Variants in CHD1L observed in about 807,000 individuals in gnomAD.
CHD1L encodes the protein ATP-dependent chromatin remodeler CHD1L.
CHD1L carries 118 observed loss-of-function variants against 115.9 expected under a neutral mutation model. The observed-to-expected ratio is 1.02, with a 90% confidence interval of 0.88 to 1.19. The LOEUF is 1.19. Ranked by LOEUF, CHD1L falls within the 50% of genes most tolerant of loss-of-function variation. The probability of loss-of-function intolerance (pLI) is 0.00; values close to 1 mark genes in which losing one functional copy is unlikely to be tolerated. For synonymous variants in CHD1L, 411 were observed against 387.1 expected (o/e 1.06, Z -0.72); for missense variants, 1,179 against 1,065.3 (o/e 1.11, Z -1.49).
the CHD1L span, chr1:147,173,365 T>C: frequency 8.1e-3 from 1,231 of 152,390 alleles, 7 homozygotes; most frequent in Non-Finnish European, 0.012. Context: ...TCAGCCCGAC[T>C]GGGGTCGCAG....
At chr1:147,289,881 T>A (rs1436834129) in intron 19 of CHD1L, among the ~76,000 whole-genome samples, 1 of 152,198 alleles carries the variant, frequency 6.6e-6, no homozygotes, top group Non-Finnish European at 1.5e-5. Context: ...GGCCACATCA[T>A]AGAAGACGTC....
chr1:147,224,860 G>T, the CHD1L span: 1 of 1,600,962 alleles, frequency 6.2e-7, no homozygotes, highest in East Asian at 2.2e-5. Context: ...TGCAGGGAGG[G>T]TTTCAAGTAT....
rs1553942722 is a variant in CHD1L at position 147,259,842 on chromosome 1, C to T, written c.500C>T (p.Pro167Leu). The change falls in exon 6 of 23, where the codon CCT becomes CTT. Residue 167 changes from proline (P) to leucine (L), a missense_variant. Coordinates refer to ENST00000369258, the MANE Select transcript of CHD1L (RefSeq NM_004284.6). ...LKDASFLKSF[P>L]WSVLVVDEAH... ...GCTTGGGTTTTCTCTCACAGATTCC[C>T]TTGGAGTGTTCTTGTTGTGGATGAA... is the stretch of plus-strand genomic sequence containing the variant. 8 of 1,613,408 alleles carry T rather than the reference C, an allele frequency of 5.0e-6. No individual in the cohort carries two copies. In the East Asian group the frequency reaches 1.8e-4, roughly 36 times the overall value.
At chr1:147,249,713 T>C (rs1263532691) in intron 1 of CHD1L, among the ~76,000 whole-genome samples, 2 of 152,172 alleles carry the variant, frequency 1.3e-5, no homozygotes, top group East Asian at 3.9e-4. Flanking sequence ...AATGTTTTGT[T>C]ATGTTTGCGG....
chr1:147,242,697 C>T lies in CHD1L; in HGVS notation c.-7C>T. On this transcript the variant is annotated 5_prime_UTR_variant, in exon 1 of 23. Coordinates refer to ENST00000369258, the MANE Select transcript of CHD1L (RefSeq NM_004284.6). ...TGGCCGCGCGGGGCGGGGCCTCTAC[C>T]GGCCCGATGGAGCGCGCGGGCGCTA... 4 of 1,262,332 alleles carry T rather than the reference C, an allele frequency of 3.2e-6. No homozygotes were observed. Among genetic ancestry groups the T allele is most frequent in the South Asian group, 3.8e-5 (1 of 26,480 alleles). 78.2% of individuals were successfully genotyped at this position (1,262,332 alleles called of 1,614,324 possible). A position where few individuals can be genotyped will look rare whatever the true frequency, so the allele number is the denominator to read the frequency against.
chr1:147,214,695 C>A, the CHD1L span: 4 of 152,166 alleles, frequency 2.6e-5, no homozygotes, highest in South Asian at 8.3e-4. Flanking sequence ...ATGGGTTCAA[C>A]ATCTTTCCTC....
At chr1:147,220,578 G>A in the CHD1L span, among the ~76,000 whole-genome samples, 2 of 152,222 alleles carry the variant, frequency 1.3e-5, no homozygotes, top group Non-Finnish European at 2.9e-5. Flanking sequence ...ACTTTACAGT[G>A]TGGCAAAAAC....
chr1:147,282,826 T>C (rs768955717), intron 15 of CHD1L, among the ~76,000 whole-genome samples: 2 of 152,180 alleles, frequency 1.3e-5, no homozygotes, highest in Non-Finnish European at 2.9e-5. Context: ...CTAAAATAAT[T>C]TTACTTTATT....
chr1:147,267,358 G>A, intron 8 of CHD1L, 68 bp from the exon 9 acceptor site: 1 of 1,170,592 alleles, frequency 8.5e-7, no homozygotes, highest in South Asian at 1.3e-5. Flanking sequence ...TAAAAACTCA[G>A]GGTTTTGGTT....
the CHD1L span, among the ~76,000 whole-genome samples, chr1:147,181,312 A>T: frequency 6.6e-6 from 1 of 152,164 alleles, no homozygotes; most frequent in Non-Finnish European, 1.5e-5. Context: ...CTGTTTGTAC[A>T]AACAATGTGA....
At chr1:147,237,347 G>C in the CHD1L span, among the ~76,000 whole-genome samples, 45 of 152,162 alleles carry the variant, frequency 3.0e-4, no homozygotes, top group East Asian at 6.6e-3. Context: ...CAGGAGGGTG[G>C]GGCTCCTGCC....
the CHD1L span, chr1:147,175,854 T>C: frequency 6.7e-6 from 1 of 149,682 alleles, no homozygotes; most frequent in Non-Finnish European, 1.5e-5. Flanking sequence ...CTCAAATGCA[T>C]TATGGGAAGT....
chr1:147,240,200 G>A (rs1571500408), upstream of CHD1L, among the ~76,000 whole-genome samples: 1 of 152,088 alleles, frequency 6.6e-6, no homozygotes, highest in East Asian at 1.9e-4. Flanking sequence ...AAATTCTTCT[G>A]CCTTGAGATG....
chr1:147,264,644 C>A, intron 7 of CHD1L, 60 bp downstream of exon 7: 1 of 1,540,866 alleles, frequency 6.5e-7, no homozygotes, highest in Non-Finnish European at 8.9e-7. Context: ...CATCCTCATG[C>A]ATAATGGTTA....
chr1:147,281,569 T>C (rs1342514699), intron 15 of CHD1L, among the ~76,000 whole-genome samples: 3 of 152,184 alleles, frequency 2.0e-5, no homozygotes, highest in Non-Finnish European at 2.9e-5. Context: ...TTATGTTTTA[T>C]CTTCGAAATT....
Position 147,287,634 on chromosome 1 carries a change from G to C in CHD1L, c.2222-1G>C. ...TGAAAATTTTCTCTTTCTTCAAACA[G>C]ATGACTCTGGCCACTGGGGCAGAGG... On this transcript the variant is annotated splice_acceptor_variant, in intron 18 of 22. Transcript: ENST00000369258. LOFTEE classifies it high-confidence loss of function. The C allele has an allele frequency of 3.7e-6, 6 of 1,612,512 alleles. No homozygotes were observed. The highest frequency in any genetic ancestry group is 2.5e-6 in the Non-Finnish European group (3 of 1,179,232).
chr1:147,179,453 T>G, the CHD1L span: 7 of 1,588,818 alleles, frequency 4.4e-6, no homozygotes, highest in Non-Finnish European at 6.0e-6. Context: ...CCATATGAAG[T>G]CAGAGTTTTC....
At chr1:147,287,593 C>T in intron 18 of CHD1L, 42 bp from the exon 19 acceptor site, 3 of 1,462,878 alleles carry the variant, frequency 2.1e-6, no homozygotes, top group Non-Finnish European at 2.8e-6. Flanking sequence ...GTGCACTGGA[C>T]TTCACCTCCT....
chr1:147,186,881 G>A, the CHD1L span: 4 of 1,595,504 alleles, frequency 2.5e-6, no homozygotes, highest in Non-Finnish European at 3.4e-6. Flanking sequence ...TGAAAAACAG[G>A]GCAGTGACAA....
Sources: allele counts gnomAD v4.1 joint callset (sites outside exome capture counted in the v4.1 genomes callset), GRCh38; gene constraint gnomAD v4.1.1; transcripts MANE v1.5; gene names NCBI Gene and HGNC (gene_info 2026-07-23, HGNC 2026-07-21).